SPART: variants seen among roughly 807,000 people sequenced by gnomAD.
SPART encodes spartin.
In SPART, 35 loss-of-function variants were observed where a neutral mutation model predicts 58.7. The observed-to-expected ratio is 0.60, with a 90% confidence interval of 0.46 to 0.79. The LOEUF is 0.79. SPART is among the 30% of genes least tolerant of loss of function. SPART has a pLI of 0.00. For missense variants in SPART, 730 were observed against 786.1 expected, an observed-to-expected ratio of 0.93 and a Z score of 0.85; for synonymous variants, 284 against 280.7, an observed-to-expected ratio of 1.01 and a Z score of -0.12.
intron 3 of SPART, 76 bp from the exon 4 acceptor site, chr13:36,329,593 T>C (rs1193821933): frequency 1.4e-6 from 2 of 1,433,344 alleles, no homozygotes; most frequent in South Asian, 1.2e-5. Context: ...TATTACACCA[T>C]GCTCAAATGA....
chr13:36,360,486 A>G (rs1414499393), intron 1 of SPART, among the ~76,000 whole-genome samples: 1 of 151,970 alleles, frequency 6.6e-6, no homozygotes, highest in Non-Finnish European at 1.5e-5. Flanking sequence ...GCTATTTCAT[A>G]CTGAGATGGG....
chr13:36,308,394 G>A (rs1476667790), intron 8 of SPART: 2 of 152,058 alleles, frequency 1.3e-5, no homozygotes, highest in African/African-American at 4.8e-5. Context: ...GAAATACAAA[G>A]CTACTTAACT....
chr13:36,336,968 T>G (rs555153288), intron 1 of SPART, among the ~76,000 whole-genome samples: 12 of 152,348 alleles, frequency 7.9e-5, no homozygotes, highest in African/African-American at 2.9e-4. Flanking sequence ...GTCTATGATA[T>G]GACATAAATC....
chr13:36,313,657 T>G (rs1013262165), intron 6 of SPART, among the ~76,000 whole-genome samples: 1 of 152,204 alleles, frequency 6.6e-6, no homozygotes, highest in Admixed American at 6.5e-5. Context: ...ATACTTACCA[T>G]TGTGTTACAA....
At position 36,330,339 on chromosome 13, in the gene SPART, G is replaced by A. The variant is rs140088306; in HGVS notation, c.1009-822C>T. ...CTTCTGTATGCTGATCATGTATTTTGTTAAATAATTGCTGCTATGCTAAAG... is the reference window on the plus strand; with the variant it reads ...CTTCTGTATGCTGATCATGTATTTTATTAAATAATTGCTGCTATGCTAAAG... On this transcript the variant is annotated intron_variant, in intron 3 of 8. Coordinates refer to ENST00000438666, the MANE Select transcript of SPART (RefSeq NM_015087.5). Among the ~76,000 whole-genome samples the A allele has an allele frequency of 8.3e-4, 126 of 152,042 alleles. 1 individual carries two copies. The highest frequency in any genetic ancestry group is 3.0e-3 in the African/African-American group (123 of 41,422).
intron 1 of SPART, among the ~76,000 whole-genome samples, chr13:36,338,613 T>G (rs1041020296): frequency 2.0e-5 from 3 of 152,148 alleles, no homozygotes; most frequent in Admixed American, 1.3e-4. Flanking sequence ...ACTGAGTGCT[T>G]TGATCTAGAA....
intron 5 of SPART, among the ~76,000 whole-genome samples, chr13:36,319,324 C>G (rs9575910): frequency 0.23 from 34,302 of 147,406 alleles, 4,493 homozygotes; most frequent in East Asian, 0.5. Context: ...TGTATCCCCC[C>G]ACCTTAACCC....
upstream of SPART, among the ~76,000 whole-genome samples, chr13:36,349,131 C>T (rs536324317): frequency 1.1e-4 from 17 of 152,128 alleles, no homozygotes; most frequent in Admixed American, 9.2e-4. Context: ...GGCGTGGTGG[C>T]GCATGCCTGT....
At chr13:36,340,497 AG>A (rs1488481282) in intron 1 of SPART, among the ~76,000 whole-genome samples, 20 of 152,314 alleles carry the variant, frequency 1.3e-4, no homozygotes, top group African/African-American at 4.6e-4. Flanking sequence ...GAGAAGTAAG[AG>A]TGCTAAGGAA....
intron 1 of SPART, chr13:36,365,609 G>A (rs1372162597): frequency 4.3e-6 from 2 of 469,932 alleles, no homozygotes; most frequent in Non-Finnish European, 8.8e-6. Flanking sequence ...GGTCATGTAT[G>A]TTGAAATATT....
At chr13:36,343,953 CAGA>C (rs1884808328) in intron 1 of SPART, among the ~76,000 whole-genome samples, 1 of 150,874 alleles carries the variant, frequency 6.6e-6, no homozygotes, top group Non-Finnish European at 1.5e-5. Flanking sequence ...CGCTTGGGCC[CAGA>C]AGTTCAAGGT....
chr13:36,311,955 C>T (rs953429557), intron 8 of SPART, among the ~76,000 whole-genome samples, 190 bp downstream of exon 8: 3 of 151,880 alleles, frequency 2.0e-5, no homozygotes, highest in Non-Finnish European at 4.4e-5. Context: ...GGCATGGTGG[C>T]GTGTGCCTGC....
chr13:36,331,360 G>A (rs1374326836), intron 3 of SPART, 39 bp downstream of exon 3: 2 of 1,572,862 alleles, frequency 1.3e-6, no homozygotes, highest in Non-Finnish European at 8.8e-7. Flanking sequence ...TTATGTTAAA[G>A]TAGATTTTTT....
intron 1 of SPART, among the ~76,000 whole-genome samples, chr13:36,352,155 A>G (rs1388109206): frequency 6.6e-6 from 1 of 152,196 alleles, no homozygotes; most frequent in Non-Finnish European, 1.5e-5. Flanking sequence ...TGATCTCATT[A>G]CTTTTTTCTT....
At chr13:36,326,738 C>A (rs1340881764) in intron 4 of SPART, 40 bp from the exon 5 acceptor site, 1 of 1,606,926 alleles carries the variant, frequency 6.2e-7, no homozygotes, top group Non-Finnish European at 8.5e-7. Context: ...AGAGTTAGTA[C>A]TAAGAGGGGG....
chr13:36,349,623 A>G (rs1040236238), upstream of SPART, among the ~76,000 whole-genome samples: 2 of 152,254 alleles, frequency 1.3e-5, no homozygotes, highest in African/African-American at 4.8e-5. Flanking sequence ...TGGTCCTTCC[A>G]AATTCGATAA....
In SPART at chr13:36,335,265, G is replaced by A. The variant is rs758795168; in HGVS notation, c.566C>T (p.Thr189Ile). ...AACTGATGAAAACTCCCCAGAATCT[G>A]TTCCATAGGATACAGTGTAGTGACC... ...AEGHYTVSYG[T>I]DSGEFSSVGE... Residue 189 changes from threonine (T) to isoleucine (I), a missense_variant, in exon 2 of 9, where the codon ACA (threonine) becomes ATA (isoleucine). Coordinates refer to ENST00000438666, the MANE Select transcript of SPART (RefSeq NM_015087.5). 1.9e-6 allele frequency: 3 copies of A among 1,614,158 alleles called. No homozygotes were observed. Among genetic ancestry groups the A allele is most frequent in the Admixed American group, 3.3e-5 (2 of 60,008 alleles).
intron 5 of SPART, among the ~76,000 whole-genome samples, chr13:36,317,484 C>T (rs546504413): frequency 3.3e-5 from 5 of 149,374 alleles, no homozygotes; most frequent in African/African-American, 1.2e-4. Context: ...TAACTCTGCG[C>T]CCCAATCCTT....
intron 8 of SPART, among the ~76,000 whole-genome samples, chr13:36,311,498 A>T (rs960413096): frequency 3.9e-5 from 6 of 152,202 alleles, no homozygotes; most frequent in African/African-American, 1.4e-4. Context: ...GGGGTATAAG[A>T]GTTTAATTAT....
Sources: allele counts gnomAD v4.1 joint callset (sites outside exome capture counted in the v4.1 genomes callset), GRCh38; gene constraint gnomAD v4.1.1; transcripts MANE v1.5; gene names NCBI Gene and HGNC (gene_info 2026-07-23, HGNC 2026-07-21).